ROBO1: variants seen among roughly 807,000 people sequenced by gnomAD.
ROBO1 encodes roundabout homolog 1.
Under a neutral mutation model 195.9 loss-of-function variants are expected in ROBO1, and 149 were observed. The ratio of observed to expected loss-of-function variants is 0.76; its 90% CI spans 0.67 to 0.87. ROBO1 has a LOEUF of 0.87. ROBO1 is among the 40% of genes least tolerant of loss of function. The probability of loss-of-function intolerance (pLI) is 0.00; values close to 1 mark genes in which losing one functional copy is unlikely to be tolerated. For synonymous variants in ROBO1, 816 were observed against 733.2 expected (o/e 1.11, Z -1.82); for missense variants, 1,933 against 2,068.3 (o/e 0.93, Z 1.27).
intron 1 of ROBO1, among the ~76,000 whole-genome samples, chr3:79,766,887 T>C (rs1705028558): frequency 6.6e-6 from 1 of 152,188 alleles, no homozygotes; most frequent in Admixed American, 6.5e-5. Flanking sequence ...GAGCGCTTCC[T>C]GGTTCGTCCC....
chr3:79,504,352 T>C (rs1303113711), intron 2 of ROBO1, among the ~76,000 whole-genome samples: 1 of 152,096 alleles, frequency 6.6e-6, no homozygotes, highest in Non-Finnish European at 1.5e-5. Context: ...TGTATAAATA[T>C]ATATTCATAT....
intron 3 of ROBO1, among the ~76,000 whole-genome samples, chr3:78,993,552 T>C (rs2077285778): frequency 6.6e-6 from 1 of 152,156 alleles, no homozygotes; most frequent in South Asian, 2.1e-4. Flanking sequence ...AGCATGACAC[T>C]GTTGACACAA....
At position 78,661,263 on chromosome 3, in the gene ROBO1, T is replaced by G; in HGVS notation, c.2089-2A>C. 6.8e-7 allele frequency: 1 copy of G among 1,479,376 alleles called. No homozygotes were observed. Among genetic ancestry groups the G allele is most frequent in the East Asian group, 2.3e-5 (1 of 43,508 alleles). The allele number at this position is 1,479,376 out of a possible 1,614,324, so 91.6% of individuals were successfully genotyped here. On this transcript the variant is annotated splice_acceptor_variant, in intron 15 of 30. Coordinates refer to ENST00000464233, the MANE Select transcript of ROBO1 (RefSeq NM_002941.4). LOFTEE classifies it high-confidence loss of function. ...TATATACTGAGACTGTTGATCTACC[T>G]ATTAAAAAGACAAGTAAAATGTAAT...
At chr3:79,733,841 T>C (rs1466708033) in intron 1 of ROBO1, among the ~76,000 whole-genome samples, 2 of 152,224 alleles carry the variant, frequency 1.3e-5, no homozygotes, top group African/African-American at 4.8e-5. Context: ...AATGGCTATG[T>C]TGTTCTCACA....
intron 1 of ROBO1, among the ~76,000 whole-genome samples, chr3:79,679,876 G>A (rs932171242): frequency 3.3e-5 from 5 of 152,042 alleles, no homozygotes; most frequent in African/African-American, 9.7e-5. Flanking sequence ...CAGATATGCA[G>A]GACATCAAGA....
intron 3 of ROBO1, among the ~76,000 whole-genome samples, chr3:79,051,221 G>T (rs972644803): frequency 1.3e-5 from 2 of 151,968 alleles, no homozygotes; most frequent in African/African-American, 4.8e-5. Context: ...AATGATAAAG[G>T]GGATATCACC....
intron 2 of ROBO1, among the ~76,000 whole-genome samples, chr3:79,502,451 G>C (rs988859363): frequency 6.6e-6 from 1 of 152,124 alleles, no homozygotes; most frequent in African/African-American, 2.4e-5. Flanking sequence ...TCCCCGCGGG[G>C]CAGGGCTCGG....
At chr3:79,028,806 A>T (rs1268696242) in intron 3 of ROBO1, among the ~76,000 whole-genome samples, 2 of 152,008 alleles carry the variant, frequency 1.3e-5, no homozygotes, top group Non-Finnish European at 2.9e-5. Context: ...TGTTTAAGGG[A>T]TGCCTTTTGT....
intron 2 of ROBO1, among the ~76,000 whole-genome samples, chr3:79,171,529 T>C (rs1023290595): frequency 1.3e-5 from 2 of 151,754 alleles, no homozygotes; most frequent in African/African-American, 2.4e-5. Flanking sequence ...AAACTTAAAA[T>C]TGTGTTGCAT....
chr3:79,660,821 C>T (rs1018155562), intron 1 of ROBO1, among the ~76,000 whole-genome samples: 1 of 152,092 alleles, frequency 6.6e-6, no homozygotes, highest in East Asian at 1.9e-4. Context: ...GAAGCAGACT[C>T]CTCAGAAGTC....
chr3:79,572,197 C>T (rs180758630), intron 2 of ROBO1, among the ~76,000 whole-genome samples: 1 of 151,904 alleles, frequency 6.6e-6, no homozygotes, highest in East Asian at 1.9e-4. Flanking sequence ...TGTCAAGATC[C>T]ATACATTAAA....
intron 2 of ROBO1, among the ~76,000 whole-genome samples, chr3:79,455,873 T>C (rs960286852): frequency 6.6e-6 from 1 of 152,074 alleles, no homozygotes. Flanking sequence ...AACATGACAC[T>C]CTGTAAAATA....
chr3:79,127,726 T>C (rs2080242624), intron 2 of ROBO1, among the ~76,000 whole-genome samples: 1 of 152,192 alleles, frequency 6.6e-6, no homozygotes, highest in East Asian at 1.9e-4. Flanking sequence ...ATAAATTTAC[T>C]GTCATTTGAA....
At chr3:79,130,106 A>G (rs541810822) in intron 2 of ROBO1, among the ~76,000 whole-genome samples, 56 of 24,648 alleles carry the variant, frequency 2.3e-3, no homozygotes, top group African/African-American at 7.8e-3. Context: ...GTTTGAAGTC[A>G]GGTAGTGTGA....
At chr3:78,628,813 C>T (rs1704990070) in intron 25 of ROBO1, among the ~76,000 whole-genome samples, 1 of 152,154 alleles carries the variant, frequency 6.6e-6, no homozygotes, top group South Asian at 2.1e-4. Flanking sequence ...CCTCAAACTA[C>T]TCCCCAATTC....
intron 4 of ROBO1, among the ~76,000 whole-genome samples, chr3:78,839,421 C>G (rs532190774): frequency 7.1e-6 from 1 of 140,442 alleles, no homozygotes. Context: ...TTTTTCATTA[C>G]TATGAAAAAA....
chr3:79,251,531 T>C (rs115942414), intron 2 of ROBO1, among the ~76,000 whole-genome samples: 5,593 of 152,104 alleles, frequency 0.037, 125 homozygotes, highest in Middle Eastern at 0.078. Context: ...GGAGAGTGGA[T>C]CACTAGGTCA....
chr3:78,869,411 T>C (rs934462819), intron 4 of ROBO1, among the ~76,000 whole-genome samples: 1 of 152,196 alleles, frequency 6.6e-6, no homozygotes, highest in Non-Finnish European at 1.5e-5. Context: ...AACAATGTAA[T>C]GAGGAGTAAC....
intron 4 of ROBO1, among the ~76,000 whole-genome samples, chr3:78,833,658 C>T (rs1432117036): frequency 6.6e-6 from 1 of 152,036 alleles, no homozygotes; most frequent in Non-Finnish European, 1.5e-5. Flanking sequence ...TGAAGTAACA[C>T]ATAAAGTACT....
Sources: gnomAD v4.1 joint callset for allele counts (sites outside exome capture counted in the v4.1 genomes callset) on GRCh38, gnomAD v4.1.1 for gene constraint, MANE v1.5 for transcripts, NCBI Gene and HGNC (gene_info 2026-07-23, HGNC 2026-07-21) for gene names.